The following SOWAHC variants were observed in gnomAD, a reference collection of about 807,000 sequenced individuals.
SOWAHC encodes the protein sosondowah ankyrin repeat domain family member C, also known as ankyrin repeat domain-containing protein SOWAHC.
In SOWAHC, 12 loss-of-function variants were observed where a neutral mutation model predicts 14.4. The observed-to-expected ratio is 0.83, with a 90% CI of 0.53 to 1.35. SOWAHC has a LOEUF of 1.35. SOWAHC is among the 40% of genes most tolerant of loss of function. The probability of loss-of-function intolerance (pLI) is 0.00; values close to 1 mark genes in which losing one functional copy is unlikely to be tolerated. For synonymous variants in SOWAHC, 398 were observed against 347.0 expected (o/e 1.15, Z -1.63); for missense variants, 771 against 752.8 (o/e 1.02, Z -0.28).
In SOWAHC at chr2:109,614,503, C is replaced by A; in HGVS notation, c.14C>A (p.Ala5Glu). 3.2e-6 allele frequency: 4 copies of A among 1,249,774 alleles called. No homozygotes were observed. The highest frequency in any genetic ancestry group is 4.0e-6 in the Non-Finnish European group (4 of 1,001,386). The allele number at this position is 1,249,774 out of a possible 1,614,324, so 77.4% of individuals were successfully genotyped here. MEGP[A>E]EWGPEAALGP... The stretch of plus-strand genomic sequence containing the variant: ...GCGCGGTCGAGGATGGAGGGGCCGG[C>A]AGAGTGGGGCCCCGAGGCGGCGCTG... The change falls in exon 1 of 1, where the codon GCA becomes GAA. Residue 5 changes from alanine to glutamate, a missense_variant. Transcript: ENST00000356454.
At position 109,614,466 on chromosome 2, in the gene SOWAHC, G is replaced by A; in HGVS notation, c.-24G>A. 1 of 1,218,068 alleles carries A rather than the reference G, an allele frequency of 8.2e-7. No homozygotes were observed. The highest frequency in any genetic ancestry group is 1.0e-6 in the Non-Finnish European group (1 of 979,674). The allele number at this position is 1,218,068 out of a possible 1,614,324, so 75.5% of individuals were successfully genotyped here. ...ATGGGACCGCGCTGAGCCGCCCGCT[G>A]GCGGGGGAGCAGCGCGGTCGAGGAT... On this transcript the variant is annotated 5_prime_UTR_variant, in exon 1 of 1. Transcript: ENST00000356454.
rs1170892840 is a variant in SOWAHC, at chr2:109,615,892, T to G, written c.1403T>G (p.Ile468Arg). 1.9e-6 allele frequency: 3 copies of G among 1,612,600 alleles called. No homozygotes were observed. Among genetic ancestry groups the G allele is most frequent in the Middle Eastern group, 1.7e-4 (1 of 6,044 alleles). Residue 468 changes from isoleucine (I) to arginine (R), a missense_variant, in exon 1 of 1, where the codon ATA (isoleucine) becomes AGA (arginine). Coordinates refer to ENST00000356454, the MANE Select transcript of SOWAHC (RefSeq NM_023016.4). ...RKASGSSSGR[I>R]KPRLNKIRFR... is the part of the protein sequence containing the mutation. ...GCCTCGGGCAGCTCTAGTGGACGTATAAAACCCAGACTCAACAAAATCCGA... is the reference window on the plus strand; with the variant it reads ...GCCTCGGGCAGCTCTAGTGGACGTAGAAAACCCAGACTCAACAAAATCCGA...
In SOWAHC at chr2:109,616,177, T is replaced by G. The variant is rs1409163128; in HGVS notation, c.*110T>G. 7.2e-7 allele frequency: 1 copy of G among 1,390,966 alleles called. No homozygotes were observed. The highest frequency in any genetic ancestry group is 1.5e-5 in the African/African-American group (1 of 68,072). 86.2% of individuals were successfully genotyped at this position (1,390,966 alleles called of 1,614,324 possible). Reference sequence around the variant, plus strand: ...ACAAGCTAAATTATGCATTCTTACTTGAGGGATCGGAATGGATGGGGCGGA... The same window carrying G: ...ACAAGCTAAATTATGCATTCTTACTGGAGGGATCGGAATGGATGGGGCGGA... On this transcript the variant is annotated 3_prime_UTR_variant, in exon 1 of 1. Transcript: ENST00000356454.
At position 109,614,577 on chromosome 2, in the gene SOWAHC, C is replaced by T. The variant is rs945151049; in HGVS notation, c.88C>T (p.Leu30=). The change falls in exon 1 of 1, where the codon CTG becomes TTG. Residue 30 remains leucine (L), a synonymous_variant. Coordinates refer to ENST00000356454, the MANE Select transcript of SOWAHC (RefSeq NM_023016.4). ...RFLAERGGRA[L]HAELVQHFRG... ...CCTGGCGGAGCGCGGGGGCCGGGCC[C>T]TGCACGCCGAGCTGGTGCAGCACTT... The T allele has an allele frequency of 7.2e-7, 1 of 1,396,526 alleles. No homozygotes were observed. 86.5% of individuals were successfully genotyped at this position (1,396,526 alleles called of 1,614,324 possible).
rs1411243975 is a variant in SOWAHC, at chr2:109,616,754, C to G, written c.*687C>G. ...ACATTCACTTCTGTAGTATGGTTTCCACCTATCTCTAACACCACTATTAAG... is the reference window on the plus strand; with the variant it reads ...ACATTCACTTCTGTAGTATGGTTTCGACCTATCTCTAACACCACTATTAAG... On this transcript the variant is annotated 3_prime_UTR_variant, in exon 1 of 1. Coordinates refer to ENST00000356454, the MANE Select transcript of SOWAHC (RefSeq NM_023016.4). 6.0e-6 allele frequency: 1 copy of G among 167,034 alleles called. No homozygotes were observed. The highest frequency in any genetic ancestry group is 1.5e-5 in the Non-Finnish European group (1 of 68,112). The allele number at this position is 167,034 out of a possible 1,614,324, so 10.3% of individuals were successfully genotyped here.
At position 109,618,794 on chromosome 2, in the gene SOWAHC, GTGTT is replaced by G. The variant is rs1443911423; in HGVS notation, c.*2731_*2734del. ...TATAAGGTACACTTGAAACTAGTGA[GTGTT>G]TGTCACATTTCACTTTCATGGTATA... On this transcript the variant is annotated 3_prime_UTR_variant, in exon 1 of 1. Transcript: ENST00000356454. 6.0e-6 allele frequency: 1 copy of G among 166,914 alleles called. No homozygotes were observed. The highest frequency in any genetic ancestry group is 2.1e-4 in the South Asian group (1 of 4,834). 10.3% of individuals were successfully genotyped at this position (166,914 alleles called of 1,614,324 possible).
In SOWAHC at chr2:109,614,651, G is replaced by A; in HGVS notation, c.162G>A (p.Ala54=). Reference sequence around the variant, plus strand: ...CGGAGCAGCGCGCCCGCGCCCGCGCGCACTTCAAGGAGCTGGTGAACGCCG... The same window carrying A: ...CGGAGCAGCGCGCCCGCGCCCGCGCACACTTCAAGGAGCTGGTGAACGCCG... The part of the protein sequence containing the change: ...GEPEQRARAR[A]HFKELVNAVA... The change falls in exon 1 of 1, where the codon GCG becomes GCA. Residue 54 remains alanine, a synonymous_variant. Coordinates refer to ENST00000356454, the MANE Select transcript of SOWAHC (RefSeq NM_023016.4). 2 of 1,472,240 alleles carry A rather than the reference G, an allele frequency of 1.4e-6. No individual in the cohort carries two copies. Among genetic ancestry groups the A allele is most frequent in the Admixed American group, 2.4e-5 (1 of 41,914 alleles). 91.2% of individuals were successfully genotyped at this position (1,472,240 alleles called of 1,614,324 possible). A position where few individuals can be genotyped will look rare whatever the true frequency, so the allele number is the denominator to read the frequency against.
In SOWAHC at chr2:109,616,273, C is replaced by A; in HGVS notation, c.*206C>A. On this transcript the variant is annotated 3_prime_UTR_variant, in exon 1 of 1. Transcript: ENST00000356454. ...GAGATTCATCATACCTTGACCTGTACCTCTTCTCTGCCCTCCACTTCCCTG... is the reference window on the plus strand; with the variant it reads ...GAGATTCATCATACCTTGACCTGTAACTCTTCTCTGCCCTCCACTTCCCTG... 1 of 666,258 alleles carries A rather than the reference C, an allele frequency of 1.5e-6. No individual in the cohort carries two copies. The highest frequency in any genetic ancestry group is 2.2e-6 in the Non-Finnish European group (1 of 461,090). The allele number at this position is 666,258 out of a possible 1,614,324, so 41.3% of individuals were successfully genotyped here. A position where few individuals can be genotyped will look rare whatever the true frequency, so the allele number is the denominator to read the frequency against.
chr2:109,615,552 G>A lies in SOWAHC; in HGVS notation c.1063G>A (p.Glu355Lys). Residue 355 changes from glutamate to lysine, a missense_variant, in exon 1 of 1, where the codon GAG becomes AAG. Physicochemically the swap from Glu to Lys is moderately conservative, Grantham distance 56. Transcript: ENST00000356454. ...LHLAAMHGHV[E>K]VVKLLVGAYD... ...CTTGGCAGCCATGCACGGCCACGTGGAGGTGGTGAAGCTGCTGGTGGGGGC... is the reference window on the plus strand; with the variant it reads ...CTTGGCAGCCATGCACGGCCACGTGAAGGTGGTGAAGCTGCTGGTGGGGGC... The A allele has an allele frequency of 6.2e-7, 1 of 1,614,040 alleles. No individual in the cohort carries two copies. The highest frequency in any genetic ancestry group is 8.5e-7 in the Non-Finnish European group (1 of 1,180,046).
chr2:109,614,802 GC>G lies in SOWAHC; in HGVS notation c.318del (p.Asp107ThrfsTer42). On this transcript the variant is annotated frameshift_variant, in exon 1 of 1. Transcript: ENST00000356454. LOFTEE classifies it low-confidence loss of function (END_TRUNC). Reference sequence around the variant, plus strand: ...AATCCAGGTGACCGCCGAGCCCGAGGCCCCCGACGGCCCTGCCGGGCCCGAG... The same window carrying G: ...AATCCAGGTGACCGCCGAGCCCGAGGCCCCGACGGCCCTGCCGGGCCCGAG... ...PRIQVTAEPEAPDGPAGPEAR... is the reference protein window; with the variant it reads ...PRIQVTAEPEXPDGPAGPEAR... 3 of 1,466,620 alleles carry G rather than the reference GC, an allele frequency of 2.0e-6. No homozygotes were observed. The highest frequency in any genetic ancestry group is 3.0e-5 in the East Asian group (1 of 33,098). 90.9% of individuals were successfully genotyped at this position (1,466,620 alleles called of 1,614,324 possible).
At position 109,616,194 on chromosome 2, in the gene SOWAHC, T is replaced by TG. The variant is rs545187598; in HGVS notation, c.*131dup. The TG allele has an allele frequency of 1.2e-3, 1,679 of 1,350,610 alleles. 2 individuals are homozygous for TG. Among genetic ancestry groups the TG allele is most frequent in the Non-Finnish European group, 1.5e-3 (1,600 of 1,045,584 alleles). 83.7% of individuals were successfully genotyped at this position (1,350,610 alleles called of 1,614,324 possible). A position where few individuals can be genotyped will look rare whatever the true frequency, so the allele number is the denominator to read the frequency against. ...TTCTTACTTGAGGGATCGGAATGGATGGGGCGGAGTTCTCTTCAGGCTAGC... is the reference window on the plus strand; with the variant it reads ...TTCTTACTTGAGGGATCGGAATGGATGGGGGCGGAGTTCTCTTCAGGCTAGC... On this transcript the variant is annotated 3_prime_UTR_variant, in exon 1 of 1. Transcript: ENST00000356454.
chr2:109,615,319 A>G lies in SOWAHC; in HGVS notation c.830A>G (p.Asp277Gly). 6.2e-7 allele frequency: 1 copy of G among 1,609,770 alleles called. No homozygotes were observed. Among genetic ancestry groups the G allele is most frequent in the Non-Finnish European group, 8.5e-7 (1 of 1,178,824 alleles). Residue 277 changes from aspartate to glycine, a missense_variant, in exon 1 of 1, where the codon GAT (aspartate) becomes GGT (glycine). Physicochemically the swap from Asp to Gly is moderately conservative, Grantham distance 94. Transcript: ENST00000356454. ...CACGCGTGGATGCTCTCTGCCTCCG[A>G]TGGCAAGTGGGACAGCCTGGAGGGC... The part of the protein sequence containing the change: ...LEHAWMLSAS[D>G]GKWDSLEGLL...
chr2:109,615,996 G>T lies in SOWAHC; in HGVS notation c.1507G>T (p.Val503Leu), dbSNP rs747032452. Residue 503 changes from valine (V) to leucine (L), a missense_variant, in exon 1 of 1, where the codon GTG becomes TTG. Val to Leu is a conservative substitution (Grantham distance 32). Transcript: ENST00000356454. ...QPLEGRGEEG[V>L]GEERPVKGHS... ...GCTGGAGGGCAGGGGGGAGGAGGGAGTGGGGGAGGAACGACCTGTTAAAGG... is the reference window on the plus strand; with the variant it reads ...GCTGGAGGGCAGGGGGGAGGAGGGATTGGGGGAGGAACGACCTGTTAAAGG... 1.3e-6 allele frequency: 2 copies of T among 1,543,706 alleles called. No homozygotes were observed. The highest frequency in any genetic ancestry group is 2.8e-5 in the African/African-American group (2 of 72,550).
Position 109,616,087 on chromosome 2 carries a change from A to G in SOWAHC, c.*20A>G. On this transcript the variant is annotated 3_prime_UTR_variant, in exon 1 of 1. Transcript: ENST00000356454. ...GGGTAAAAATTGCTTCTTTTAGAAA[A>G]TGCAAAGGTTTATTTGTCTTAATAA... 6.7e-7 allele frequency: 1 copy of G among 1,488,850 alleles called. No individual in the cohort carries two copies. Among genetic ancestry groups the G allele is most frequent in the Non-Finnish European group, 8.9e-7 (1 of 1,120,820 alleles). 92.2% of individuals were successfully genotyped at this position (1,488,850 alleles called of 1,614,324 possible).
Position 109,615,971 on chromosome 2 carries a change from G to A in SOWAHC, c.1482G>A (p.Pro494=). The A allele has an allele frequency of 6.4e-7, 1 of 1,574,422 alleles. No individual in the cohort carries two copies. The highest frequency in any genetic ancestry group is 8.6e-7 in the Non-Finnish European group (1 of 1,162,118). ...CCTCTTTCAGGGACCCAGAGCAGCC[G>A]CTGGAGGGCAGGGGGGAGGAGGGAG... ...TTPSFRDPEQ[P]LEGRGEEGVG... Residue 494 remains proline, a synonymous_variant, in exon 1 of 1, where the codon CCG becomes CCA. Coordinates refer to ENST00000356454, the MANE Select transcript of SOWAHC (RefSeq NM_023016.4).
rs200515481 is a variant in SOWAHC, at chr2:109,615,811, A to G, written c.1322A>G (p.His441Arg). ...GAAGATGGAGGGGACCATCACCACC[A>G]TCACCACTCGGCTGAGGGGTGGGTC... ...ALEDGGDHHH[H>R]HHSAEGWVGG... Residue 441 changes from histidine (H) to arginine (R), a missense_variant, in exon 1 of 1, where the codon CAT becomes CGT. By Grantham distance (29) the His-to-Arg change is conservative. Transcript: ENST00000356454. 4.3e-6 allele frequency: 7 copies of G among 1,614,148 alleles called. No homozygotes were observed. The highest frequency in any genetic ancestry group is 4.0e-5 in the African/African-American group (3 of 75,042).
At position 109,618,526 on chromosome 2, in the gene SOWAHC, A is replaced by G. The variant is rs1638290936; in HGVS notation, c.*2459A>G. 6.0e-6 allele frequency: 1 copy of G among 167,074 alleles called. No homozygotes were observed. The highest frequency in any genetic ancestry group is 2.4e-5 in the African/African-American group (1 of 41,474). The allele number at this position is 167,074 out of a possible 1,614,324, so 10.3% of individuals were successfully genotyped here. A position where few individuals can be genotyped will look rare whatever the true frequency, so the allele number is the denominator to read the frequency against. ...TTTCAAAAACCCATTCCTGAGGAGA[A>G]CTACTTCTAGCATTCCTTTTCATGA... is the stretch of plus-strand genomic sequence containing the variant. On this transcript the variant is annotated 3_prime_UTR_variant, in exon 1 of 1. Coordinates refer to ENST00000356454, the MANE Select transcript of SOWAHC (RefSeq NM_023016.4).
At position 109,615,466 on chromosome 2, in the gene SOWAHC, A is replaced by G; in HGVS notation, c.977A>G (p.Asn326Ser). ...CTGGCCATGCTAGTCAACTTCGCCA[A>G]CAAACACCAGCTGCCGGTGAACATC... ...ELLAMLVNFA[N>S]KHQLPVNIDA... Residue 326 changes from asparagine to serine, a missense_variant, in exon 1 of 1, where the codon AAC (asparagine) becomes AGC (serine). Physicochemically the swap from Asn to Ser is conservative, Grantham distance 46. Coordinates refer to ENST00000356454, the MANE Select transcript of SOWAHC (RefSeq NM_023016.4). 1 of 1,613,400 alleles carries G rather than the reference A, an allele frequency of 6.2e-7. No homozygotes were observed. Among genetic ancestry groups the G allele is most frequent in the Non-Finnish European group, 8.5e-7 (1 of 1,180,034 alleles).
rs1309723535 is a variant in SOWAHC at position 109,618,223 on chromosome 2, A to G, written c.*2156A>G. ...GTAGTCATTTGTTCTAAATCTATAC[A>G]TATTACTTGTATCTAGTGCAGAATA... On this transcript the variant is annotated 3_prime_UTR_variant, in exon 1 of 1. Coordinates refer to ENST00000356454, the MANE Select transcript of SOWAHC (RefSeq NM_023016.4). 2 of 166,818 alleles carry G rather than the reference A, an allele frequency of 1.2e-5. No individual in the cohort carries two copies. The highest frequency in any genetic ancestry group is 2.4e-5 in the African/African-American group (1 of 41,432). 10.3% of individuals were successfully genotyped at this position (166,818 alleles called of 1,614,324 possible). A position where few individuals can be genotyped will look rare whatever the true frequency, so the allele number is the denominator to read the frequency against.
Sources: allele counts gnomAD v4.1 joint callset, GRCh38; gene constraint gnomAD v4.1.1; transcripts MANE v1.5; gene names NCBI Gene and HGNC (gene_info 2026-07-23, HGNC 2026-07-21).